Variants in INSL6 observed in about 807,000 individuals in gnomAD.
The protein encoded by INSL6 is insulin like 6, also known as insulin-like peptide INSL6.
In INSL6, 16 loss-of-function variants were observed where a neutral mutation model predicts 9.4. The observed-to-expected ratio is 1.70, with a 90% CI of 1.15 to 2.59. The LOEUF is 2.59. Among genes scored for constraint, INSL6 ranks in the 30% most tolerant of loss-of-function variants. The pLI, the probability that INSL6 is intolerant of heterozygous loss-of-function variation, is 0.00. For missense variants in INSL6, 391 were observed against 257.3 expected (o/e 1.52, Z -3.56); for synonymous variants, 154 against 96.9 (o/e 1.59, Z -3.46).
chr9:5,040,533 A>G, the INSL6 span, among the ~76,000 whole-genome samples: 2 of 152,264 alleles, frequency 1.3e-5, no homozygotes, highest in African/African-American at 4.8e-5. Context: ...AATGGGTTCC[A>G]CAAAATGGAA....
At chr9:5,168,718 G>C (rs1032959318) in intron 1 of INSL6, among the ~76,000 whole-genome samples, 2 of 152,038 alleles carry the variant, frequency 1.3e-5, no homozygotes, top group Non-Finnish European at 1.5e-5. Context: ...TTCAAATTCA[G>C]GAAATCCAGA....
chr9:5,089,848 G>T, the INSL6 span: 1 of 1,529,398 alleles, frequency 6.5e-7, no homozygotes, highest in Non-Finnish European at 8.7e-7. Flanking sequence ...GTACAAGGGA[G>T]TGTGCTACAG....
the INSL6 span, chr9:5,080,581 G>A: frequency 3.1e-6 from 5 of 1,602,568 alleles, no homozygotes; most frequent in South Asian, 5.7e-5. Flanking sequence ...ACCAAAGTGG[G>A]CAGAATTAGC....
the INSL6 span, chr9:5,081,762 T>C: frequency 1.1e-5 from 18 of 1,601,470 alleles, no homozygotes; most frequent in African/African-American, 8.1e-5. Context: ...TGTTACCAAA[T>C]ATGAGGATAG....
the INSL6 span, chr9:5,112,512 C>T: frequency 1.8e-6 from 1 of 564,462 alleles, no homozygotes; most frequent in Admixed American, 2.8e-5. Flanking sequence ...ATGACCTTTT[C>T]CCCCCAGAGC....
At chr9:5,085,839 A>G in the INSL6 span, 70 of 763,188 alleles carry the variant, frequency 9.2e-5, no homozygotes, top group Admixed American at 3.5e-5. Flanking sequence ...TTTTCCTTTT[A>G]CATCAAAGTA....
the INSL6 span, among the ~76,000 whole-genome samples, chr9:4,993,168 CTT>C: frequency 6.6e-6 from 1 of 152,172 alleles, no homozygotes; most frequent in South Asian, 2.1e-4. Flanking sequence ...CCACAAATCT[CTT>C]TTGAGAGGAA....
the INSL6 span, chr9:5,069,876 A>G: frequency 1.7e-5 from 22 of 1,296,004 alleles, no homozygotes; most frequent in Admixed American, 6.5e-5. Context: ...GGAGCAATTC[A>G]TACTTTCAGT....
At chr9:5,136,095 A>G (rs1360506983) in intron 2 of INSL6, among the ~76,000 whole-genome samples, 4 of 152,232 alleles carry the variant, frequency 2.6e-5, no homozygotes, top group Non-Finnish European at 4.4e-5. Context: ...ATCCCTGAAT[A>G]GACCAATAAC....
the INSL6 span, chr9:5,114,673 T>A: frequency 2.3e-6 from 1 of 434,590 alleles, no homozygotes; most frequent in Non-Finnish European, 4.5e-6. Flanking sequence ...GGCTCTGGCG[T>A]CTTAGTCTTC....
chr9:5,116,065 A>T, the INSL6 span, among the ~76,000 whole-genome samples: 18 of 150,578 alleles, frequency 1.2e-4, no homozygotes, highest in East Asian at 5.8e-4. Context: ...AATAAAATTT[A>T]AAAAAAAAAC....
At chr9:5,005,814 G>T in the INSL6 span, among the ~76,000 whole-genome samples, 3 of 152,086 alleles carry the variant, frequency 2.0e-5, no homozygotes, top group African/African-American at 7.2e-5. Flanking sequence ...AGTTTTAAAT[G>T]GTATATTCTG....
intron 3 of INSL6, chr9:5,128,190 C>G (rs985892791): frequency 8.7e-6 from 2 of 228,842 alleles, no homozygotes; most frequent in African/African-American, 2.2e-5. Context: ...TTTATTTTTA[C>G]TGGTATGTTC....
the INSL6 span, among the ~76,000 whole-genome samples, chr9:5,013,189 T>C: frequency 6.6e-6 from 1 of 152,212 alleles, no homozygotes; most frequent in Non-Finnish European, 1.5e-5. Context: ...AAGCACTTTT[T>C]TTCTAATAAC....
the INSL6 span, chr9:5,111,238 C>T: frequency 1.8e-6 from 1 of 558,716 alleles, no homozygotes; most frequent in Non-Finnish European, 3.4e-6. Context: ...GCCTATTCCT[C>T]CTTTGGTAGA....
chr9:5,074,700 C>A, the INSL6 span, among the ~76,000 whole-genome samples: 4 of 152,304 alleles, frequency 2.6e-5, no homozygotes, highest in Admixed American at 1.3e-4. Flanking sequence ...ACACAATGGT[C>A]TTTAAATGTT....
the INSL6 span, among the ~76,000 whole-genome samples, chr9:5,007,832 A>G: frequency 2.0e-5 from 3 of 151,936 alleles, no homozygotes; most frequent in Admixed American, 6.6e-5. Context: ...GGTTCAAGCA[A>G]TTCTCCTATC....
the INSL6 span, chr9:5,111,494 G>A: frequency 2.7e-6 from 1 of 366,932 alleles, no homozygotes; most frequent in Non-Finnish European, 5.4e-6. Flanking sequence ...GTACGGTAGG[G>A]ATGCCGCCGC....
the INSL6 span, among the ~76,000 whole-genome samples, chr9:5,033,763 C>G: frequency 1.3e-5 from 2 of 152,168 alleles, no homozygotes; most frequent in South Asian, 2.1e-4. Context: ...AAAGGAACAA[C>G]TGGTACCAGC....
Sources: allele counts gnomAD v4.1 joint callset (sites outside exome capture counted in the v4.1 genomes callset), GRCh38; gene constraint gnomAD v4.1.1; transcripts MANE v1.5; gene names NCBI Gene and HGNC (gene_info 2026-07-23, HGNC 2026-07-21).